The following TRIOBP variants were observed in gnomAD, a reference collection of about 807,000 sequenced individuals.
The protein encoded by TRIOBP is TRIO and F-actin-binding protein.
Under a neutral mutation model 238.8 loss-of-function variants are expected in TRIOBP, and 169 were observed. That is an observed-to-expected ratio of 0.71 (90% CI 0.62 to 0.80). The LOEUF is 0.80. TRIOBP is among the 30% of genes least tolerant of loss of function. TRIOBP has a pLI of 0.00. For missense variants in TRIOBP, 2,838 were observed against 3,122.6 expected, an observed-to-expected ratio of 0.91 and a Z score of 2.17; for synonymous variants, 1,150 against 1,274.4, an observed-to-expected ratio of 0.90 and a Z score of 2.08.
In TRIOBP at chr22:37,701,476, C is replaced by G. The variant is rs876658035; in HGVS notation, c.111C>G (p.Tyr37Ter). The G allele has an allele frequency of 6.2e-7, 1 of 1,608,004 alleles. No homozygotes were observed. Among genetic ancestry groups the G allele is most frequent in the African/African-American group, 1.3e-5 (1 of 74,964 alleles). ...FHPEEAHGAR[Y>*]QELRSPSGAE... ...CTGAGGAGGCCCATGGAGCAAGATA[C>G]CAGGTGGGCCAGTTTTCCACGTGGT... The change falls in exon 3 of 24, where the codon TAC becomes TAG. Residue 37 changes from tyrosine to a stop codon, truncating the protein, a stop_gained. Transcript: ENST00000644935. LOFTEE classifies it high-confidence loss of function.
At chr22:37,765,931 C>T in intron 18 of TRIOBP, 114 bp downstream of exon 18, 1 of 1,365,284 alleles carries the variant, frequency 7.3e-7, no homozygotes, top group East Asian at 2.5e-5. Flanking sequence ...CTCAGTGCCA[C>T]ATTTGGGGTA....
intron 21 of TRIOBP, among the ~76,000 whole-genome samples, chr22:37,769,948 C>T (rs994104841): frequency 6.6e-6 from 1 of 151,618 alleles, no homozygotes; most frequent in African/African-American, 2.4e-5. Flanking sequence ...AGGCTGGTCT[C>T]GAACTCCGGA....
intron 3 of TRIOBP, among the ~76,000 whole-genome samples, chr22:37,703,535 C>T (rs1601616376): frequency 7.2e-6 from 1 of 139,238 alleles, no homozygotes; most frequent in East Asian, 2.2e-4. Context: ...GACAGAGTCT[C>T]GTTCTGTTGC....
At position 37,754,888 on chromosome 22, in the gene TRIOBP, C is replaced by T. The variant is rs762104057; in HGVS notation, c.5391C>T (p.Pro1797=). The stretch of plus-strand genomic sequence containing the variant: ...CATCCTCCTTGCAGCCTCCCTCCCC[C>T]TCGCTCACCACCACCTCTACTTCGC... ...ILDEPGEPPS[P]SLTTTSTSQW... Residue 1797 remains proline, a synonymous_variant, in exon 13 of 24, where the codon CCC becomes CCT. Transcript: ENST00000644935. 12 of 1,614,040 alleles carry T rather than the reference C, an allele frequency of 7.4e-6. No homozygotes were observed. The highest frequency in any genetic ancestry group is 2.7e-5 in the African/African-American group (2 of 74,916).
At chr22:37,710,717 T>G (rs1601621340) in intron 4 of TRIOBP, 151 bp downstream of exon 4, 31 of 1,091,306 alleles carry the variant, frequency 2.8e-5, no homozygotes, top group Non-Finnish European at 3.4e-5. Context: ...CACAGGTGGG[T>G]GGTGGGCATG....
At position 37,725,086 on chromosome 22, in the gene TRIOBP, C is replaced by T. The variant is rs969009914; in HGVS notation, c.2530C>T (p.Leu844Phe). Residue 844 changes from leucine (L) to phenylalanine (F), a missense_variant, in exon 7 of 24, where the codon CTC becomes TTC. Physicochemically the swap from Leu to Phe is conservative, Grantham distance 22. This residue lies in a region of TRIOBP where 2,096 missense variants were observed against 2,137.4 expected (regional missense o/e 0.98). Coordinates refer to ENST00000644935, the MANE Select transcript of TRIOBP (RefSeq NM_001039141.3). ...AACCTCTTGTACCAAACGAGATAACCTCAGACCCACTTGTACACAGCGGGA... is the reference window on the plus strand; with the variant it reads ...AACCTCTTGTACCAAACGAGATAACTTCAGACCCACTTGTACACAGCGGGA... The part of the protein sequence containing the change: ...PKTSCTKRDN[L>F]RPTCTQRDRT... 3.1e-6 allele frequency: 5 copies of T among 1,614,092 alleles called. No individual in the cohort carries two copies. In the African/African-American group the frequency reaches 6.7e-5, roughly 22 times the overall value.
chr22:37,705,526 CG>C (rs1419213487), intron 3 of TRIOBP, among the ~76,000 whole-genome samples: 7 of 151,788 alleles, frequency 4.6e-5, no homozygotes, highest in Admixed American at 4.6e-4. Context: ...TGGCCTTGTG[CG>C]GCTTTGTGGA....
intron 17 of TRIOBP, among the ~76,000 whole-genome samples, chr22:37,763,722 G>A (rs1194381926): frequency 1.3e-5 from 2 of 152,216 alleles, no homozygotes; most frequent in African/African-American, 4.8e-5. Context: ...CCAGGGTCCT[G>A]TCGGTGGCTG....
intron 3 of TRIOBP, among the ~76,000 whole-genome samples, chr22:37,709,680 T>TG (rs896574047): frequency 8.6e-5 from 13 of 151,770 alleles, no homozygotes; most frequent in East Asian, 1.9e-4. Flanking sequence ...GGGGAGGAAT[T>TG]GGGGGGGGCC....
At chr22:37,743,110 A>G (rs1450817466) in intron 11 of TRIOBP, among the ~76,000 whole-genome samples, 2 of 152,190 alleles carry the variant, frequency 1.3e-5, no homozygotes, top group Admixed American at 1.3e-4. Context: ...CATTAGAAAG[A>G]TGCGGCAACC....
Position 37,726,011 on chromosome 22 carries a change from ACT to A in TRIOBP, c.3460_3461del (p.Leu1154AlafsTer29), listed in dbSNP as rs771696726. 23 of 1,590,448 alleles carry A rather than the reference ACT, an allele frequency of 1.4e-5. No homozygotes were observed. Among genetic ancestry groups the A allele is most frequent in the East Asian group, 2.3e-5 (1 of 43,384 alleles). On this transcript the variant is annotated frameshift_variant, in exon 7 of 24. Coordinates refer to ENST00000644935, the MANE Select transcript of TRIOBP (RefSeq NM_001039141.3). LOFTEE classifies it high-confidence loss of function. ...ACAGAGAGCCTTGTCCCTTCCATGG[ACT>A]CTCTGCACGAGTGCCCCCACATCCC...
chr22:37,735,722 A>G (rs1486171823), intron 9 of TRIOBP, among the ~76,000 whole-genome samples: 1 of 152,226 alleles, frequency 6.6e-6, no homozygotes, highest in Non-Finnish European at 1.5e-5. Context: ...TGAGAAATAC[A>G]CTATTTACAG....
chr22:37,741,055 T>A, intron 11 of TRIOBP, 23 bp downstream of exon 11: 1 of 1,552,336 alleles, frequency 6.4e-7, no homozygotes, highest in African/African-American at 1.4e-5. Flanking sequence ...CAGTGGGGAC[T>A]GGAGGGGTGA....
In TRIOBP at chr22:37,772,752, TGGCTGAG is replaced by T; in HGVS notation, c.7089_7095del (p.Ala2364ArgfsTer103). On this transcript the variant is annotated frameshift_variant, in exon 23 of 24. Coordinates refer to ENST00000644935, the MANE Select transcript of TRIOBP (RefSeq NM_001039141.3). LOFTEE classifies it high-confidence loss of function. ...GAGAAGGAGTCGATGCGCAACAGCCTGGCTGAGTAGAGGTGGATGCCGAGGCGTGTGC... is the reference window on the plus strand; with the variant it reads ...GAGAAGGAGTCGATGCGCAACAGCCTTAGAGGTGGATGCCGAGGCGTGTGC... 1.9e-6 allele frequency: 3 copies of T among 1,613,418 alleles called. No homozygotes were observed. Among genetic ancestry groups the T allele is most frequent in the Middle Eastern group, 1.7e-4 (1 of 6,060 alleles).
At chr22:37,744,376 C>T (rs1224952922) in intron 11 of TRIOBP, among the ~76,000 whole-genome samples, 1 of 152,164 alleles carries the variant, frequency 6.6e-6, no homozygotes, top group African/African-American at 2.4e-5. Flanking sequence ...ATGTGTCTCT[C>T]CAGCCTGTCA....
rs1447650813 is a variant in TRIOBP, at chr22:37,757,841, G to A, written c.5916G>A (p.Gln1972=). 1 of 1,550,898 alleles carries A rather than the reference G, an allele frequency of 6.4e-7. No individual in the cohort carries two copies. The highest frequency in any genetic ancestry group is 2.0e-5 in the Admixed American group (1 of 51,188). ...PARTPDRLAK[Q]EELERDLAQR... Reference sequence around the variant, plus strand: ...GCACTCCTGACCGCCTGGCCAAGCAGGAGGAGCTGGAGCGGGACCTGGCCC... The same window carrying A: ...GCACTCCTGACCGCCTGGCCAAGCAAGAGGAGCTGGAGCGGGACCTGGCCC... The change falls in exon 16 of 24, where the codon CAG becomes CAA. Residue 1972 remains glutamine, a synonymous_variant. Coordinates refer to ENST00000644935, the MANE Select transcript of TRIOBP (RefSeq NM_001039141.3).
chr22:37,761,084 G>C (rs973815836), intron 17 of TRIOBP, among the ~76,000 whole-genome samples: 1 of 152,186 alleles, frequency 6.6e-6, no homozygotes, highest in African/African-American at 2.4e-5. Flanking sequence ...CTCTCAGGAA[G>C]GCATTGGCTG....
intron 21 of TRIOBP, 72 bp downstream of exon 21, chr22:37,769,447 A>AGGCT (rs1926662756): frequency 7.1e-7 from 1 of 1,405,414 alleles, no homozygotes; most frequent in Admixed American, 2.0e-5. Flanking sequence ...CCCCCGCCAT[A>AGGCT]GGCTGGGTAT....
chr22:37,737,680 A>AAAC (rs58857856), intron 9 of TRIOBP, among the ~76,000 whole-genome samples: 2 of 150,120 alleles, frequency 1.3e-5, no homozygotes, highest in Non-Finnish European at 1.5e-5. Context: ...AAAAAAAAAA[A>AAAC]TCCTTGGCAT....
Sources: allele counts gnomAD v4.1 joint callset (sites outside exome capture counted in the v4.1 genomes callset), GRCh38; gene constraint gnomAD v4.1.1; regional missense constraint gnomAD v4.1.1; transcripts MANE v1.5; gene names NCBI Gene and HGNC (gene_info 2026-07-23, HGNC 2026-07-21).